Variants in MEOX1 observed in about 807,000 individuals in gnomAD.
The protein encoded by MEOX1 is mesenchyme homeobox 1, also known as homeobox protein MOX-1.
Under a neutral mutation model 23.2 loss-of-function variants are expected in MEOX1, and 17 were observed. The ratio of observed to expected loss-of-function variants is 0.73; its 90% CI spans 0.50 to 1.10. MEOX1 has a LOEUF of 1.10. Among genes scored for constraint, MEOX1 ranks in the 50% least tolerant of loss-of-function variants. The pLI is 0.00. For synonymous variants in MEOX1, 134 were observed against 135.1 expected (o/e 0.99, Z 0.06); for missense variants, 333 against 332.2 (o/e 1.00, Z -0.02).
intron 1 of MEOX1, among the ~76,000 whole-genome samples, chr17:43,653,081 C>T (rs552553029): frequency 1.3e-5 from 2 of 151,384 alleles, no homozygotes; most frequent in African/African-American, 4.8e-5. Context: ...ATTCACCAGC[C>T]TCAGCCTCCC....
chr17:43,648,140 T>C (rs980211597), intron 1 of MEOX1, among the ~76,000 whole-genome samples: 3 of 152,214 alleles, frequency 2.0e-5, no homozygotes, highest in Non-Finnish European at 2.9e-5. Flanking sequence ...ACCCTGCTCA[T>C]GGGCACAGTT....
rs1239528190 is a variant in MEOX1 at position 43,652,829 on chromosome 17, T to A, written c.469+8237A>T. Among the ~76,000 whole-genome samples the A allele has an allele frequency of 2.1e-3, 252 of 122,690 alleles. 2 individuals carry two copies. Among genetic ancestry groups the A allele is most frequent in the Non-Finnish European group, 2.6e-3 (161 of 61,098 alleles). The allele number at this position is 122,690 out of a possible 152,430, so 80.5% of individuals were successfully genotyped here. ...TCATTCTCATCTCTACTATTGCTTT[T>A]TTTTTTTTTTTTTTTTTTTTGAGAC... On this transcript the variant is annotated intron_variant, in intron 1 of 2. Coordinates refer to ENST00000318579, the MANE Select transcript of MEOX1 (RefSeq NM_004527.4).
At chr17:43,651,047 G>A (rs916139446) in intron 1 of MEOX1, among the ~76,000 whole-genome samples, 3 of 152,172 alleles carry the variant, frequency 2.0e-5, no homozygotes, top group South Asian at 2.1e-4. Context: ...GGCTGGGCGC[G>A]GTGGCTCACA....
chr17:43,659,503 G>C lies in MEOX1; in HGVS notation c.469+1563C>G, dbSNP rs147621311. Among the ~76,000 whole-genome samples the C allele has an allele frequency of 3.9e-5, 6 of 152,208 alleles. No individual in the cohort carries two copies. In the South Asian group the frequency reaches 8.3e-4, roughly 21 times the overall value. On this transcript the variant is annotated intron_variant, in intron 1 of 2. Transcript: ENST00000318579. ...GGACTGCATTTGAAATCTACTGAAGGGGGTGATACCGGGGGCCTGAAGCCT... is the reference window on the plus strand; with the variant it reads ...GGACTGCATTTGAAATCTACTGAAGCGGGTGATACCGGGGGCCTGAAGCCT...
chr17:43,653,666 C>T (rs1353985903), intron 1 of MEOX1, among the ~76,000 whole-genome samples: 14 of 152,222 alleles, frequency 9.2e-5, no homozygotes, highest in African/African-American at 2.9e-4. Flanking sequence ...CATGCCACCA[C>T]GCCCAGCTAA....
At chr17:43,643,413 G>A in intron 2 of MEOX1, 75 bp downstream of exon 2, 1 of 1,362,810 alleles carries the variant, frequency 7.3e-7, no homozygotes, top group Non-Finnish European at 1.0e-6. Flanking sequence ...GAAGGTCCAG[G>A]GAGGGGTGGT....
Position 43,641,546 on chromosome 17 carries a change from AG to A in MEOX1, c.*363del, listed in dbSNP as rs1972694379. The stretch of plus-strand genomic sequence containing the variant: ...CACCAGGCCAGGTGGTGTCCAGACC[AG>A]GAGGAGGCCTGGCTGACCTAGGAGA... On this transcript the variant is annotated 3_prime_UTR_variant, in exon 3 of 3. Coordinates refer to ENST00000318579, the MANE Select transcript of MEOX1 (RefSeq NM_004527.4). 5.6e-6 allele frequency: 1 copy of A among 179,484 alleles called. No homozygotes were observed. The highest frequency in any genetic ancestry group is 1.2e-5 in the Non-Finnish European group (1 of 84,990). 11.1% of individuals were successfully genotyped at this position (179,484 alleles called of 1,614,324 possible).
intron 1 of MEOX1, among the ~76,000 whole-genome samples, chr17:43,657,217 G>A (rs2154589004): frequency 8.1e-6 from 1 of 123,868 alleles, no homozygotes; most frequent in African/African-American, 3.0e-5. Flanking sequence ...CACCCAGGCT[G>A]AATGAAGTGC....
intron 2 of MEOX1, 41 bp from the exon 3 acceptor site, chr17:43,642,073 G>T (rs139206026): frequency 1.3e-6 from 2 of 1,586,174 alleles, no homozygotes; most frequent in Middle Eastern, 1.7e-4. Context: ...TCCAGGGCCG[G>T]TGTGACCTCC....
Position 43,641,993 on chromosome 17 carries a change from G to A in MEOX1, c.682C>T (p.Arg228Cys), listed in dbSNP as rs1327439031. 9.3e-6 allele frequency: 15 copies of A among 1,613,966 alleles called. No homozygotes were observed. The highest frequency in any genetic ancestry group is 1.2e-5 in the Non-Finnish European group (14 of 1,179,930). The change falls in exon 3 of 3, where the codon CGT (arginine) becomes TGT (cysteine). Residue 228 changes from arginine to cysteine, a missense_variant. Coordinates refer to ENST00000318579, the MANE Select transcript of MEOX1 (RefSeq NM_004527.4). ...GAGATGGGCTGACCTCCCTTCACACGCTTCCACTTCATCCTTCGGTTCTGG... is the reference window on the plus strand; with the variant it reads ...GAGATGGGCTGACCTCCCTTCACACACTTCCACTTCATCCTTCGGTTCTGG... ...WFQNRRMKWKRVKGGQPISPN... is the reference protein window; with the variant it reads ...WFQNRRMKWKCVKGGQPISPN...
intron 1 of MEOX1, among the ~76,000 whole-genome samples, chr17:43,652,927 G>T (rs1972946160): frequency 6.9e-6 from 1 of 145,370 alleles, no homozygotes; most frequent in African/African-American, 2.5e-5. Flanking sequence ...TGCCTCCCAG[G>T]TTCACGCCAT....
chr17:43,642,221 C>A (rs1972710491), intron 2 of MEOX1, among the ~76,000 whole-genome samples, 189 bp from the exon 3 acceptor site: 1 of 152,206 alleles, frequency 6.6e-6, no homozygotes, highest in African/African-American at 2.4e-5. Context: ...GCCCAGAGGT[C>A]TGTCTTGTGG....
intron 1 of MEOX1, among the ~76,000 whole-genome samples, chr17:43,658,092 T>G (rs1171218716): frequency 2.0e-5 from 3 of 152,368 alleles, no homozygotes; most frequent in South Asian, 2.1e-4. Flanking sequence ...AGCCTGTCTG[T>G]CTGGCTGGGA....
At chr17:43,656,832 C>T (rs1973028586) in intron 1 of MEOX1, among the ~76,000 whole-genome samples, 1 of 152,018 alleles carries the variant, frequency 6.6e-6, no homozygotes, top group Admixed American at 6.6e-5. Flanking sequence ...CAACAGTGGC[C>T]TCACAGCTGT....
At chr17:43,646,186 C>T (rs186143253) in intron 1 of MEOX1, among the ~76,000 whole-genome samples, 614 of 152,250 alleles carry the variant, frequency 4.0e-3, no homozygotes, top group Non-Finnish European at 6.4e-3. Context: ...GGCTCCAGGC[C>T]GGAGAAGGCA....
chr17:43,642,053 G>T, intron 2 of MEOX1, 21 bp from the exon 3 acceptor site: 1 of 1,608,756 alleles, frequency 6.2e-7, no homozygotes, highest in South Asian at 1.1e-5. Flanking sequence ...AAGCAAAGGA[G>T]CCTGGTCACT....
At position 43,661,481 on chromosome 17, in the gene MEOX1, G is replaced by T; in HGVS notation, c.54C>A (p.Val18=). 1 of 1,607,668 alleles carries T rather than the reference G, an allele frequency of 6.2e-7. No individual in the cohort carries two copies. The highest frequency in any genetic ancestry group is 8.5e-7 in the Non-Finnish European group (1 of 1,178,216). Residue 18 remains valine (V), a synonymous_variant, in exon 1 of 3, where the codon GTC becomes GTA. Transcript: ENST00000318579. ...AGTGGGGGTTTCGAAGGCAGCCCCA[G>T]ACAGGGGCTGGGGGCTGGAGGCTCC... The part of the protein sequence containing the change: ...CMRSLQPPAP[V]WGCLRNPHSE...
intron 1 of MEOX1, among the ~76,000 whole-genome samples, chr17:43,644,882 C>T (rs1972773369): frequency 6.6e-6 from 1 of 152,170 alleles, no homozygotes; most frequent in South Asian, 2.1e-4. Context: ...CGCCATTGCA[C>T]TCCAGCCTGG....
chr17:43,656,767 CT>C (rs1973027521), intron 1 of MEOX1, among the ~76,000 whole-genome samples: 1 of 152,126 alleles, frequency 6.6e-6, no homozygotes, highest in African/African-American at 2.4e-5. Context: ...CCGCAAAATC[CT>C]TCATTCCCAT....
Sources: allele counts gnomAD v4.1 joint callset (sites outside exome capture counted in the v4.1 genomes callset), GRCh38; gene constraint gnomAD v4.1.1; transcripts MANE v1.5; gene names NCBI Gene and HGNC (gene_info 2026-07-23, HGNC 2026-07-21).